Variants in NSD1 observed in about 807,000 individuals in gnomAD.
The protein encoded by NSD1 is nuclear receptor binding SET domain protein 1.
NSD1 carries 26 observed loss-of-function variants against 242.7 expected under a neutral mutation model. The ratio of observed to expected loss-of-function variants is 0.11; its 90% confidence interval spans 0.08 to 0.15. The LOEUF is 0.15. Ranked by LOEUF, NSD1 falls within the 10% of genes least tolerant of loss-of-function variation. NSD1 has a pLI of 1.00. For synonymous variants in NSD1, 1,106 were observed against 1,178.1 expected (o/e 0.94, Z 1.25); for missense variants, 2,495 against 3,272.8 (o/e 0.76, Z 5.80).
At chr5:177,218,577 T>C (rs577779640) in intron 5 of NSD1, among the ~76,000 whole-genome samples, 20 of 151,972 alleles carry the variant, frequency 1.3e-4, no homozygotes, top group Admixed American at 1.1e-3. Context: ...ATTTCTTTTT[T>C]TTTTTTTTGA....
chr5:177,251,686 C>T (rs764602590), intron 11 of NSD1, 44 bp from the exon 12 acceptor site: 1 of 1,609,578 alleles, frequency 6.2e-7, no homozygotes, highest in South Asian at 1.1e-5. Flanking sequence ...ACTCTTGATT[C>T]TCAAACATGG....
chr5:177,164,872 G>A (rs539007695), intron 2 of NSD1, among the ~76,000 whole-genome samples: 8 of 151,912 alleles, frequency 5.3e-5, no homozygotes, highest in Admixed American at 2.0e-4. Flanking sequence ...GAACCCAGGA[G>A]GTGGAGGTTA....
intron 2 of NSD1, among the ~76,000 whole-genome samples, chr5:177,165,559 T>C (rs972469123): frequency 6.6e-6 from 1 of 152,108 alleles, no homozygotes; most frequent in African/African-American, 2.4e-5. Context: ...CAAATTTTTT[T>C]CCCCCATTCT....
rs551043517 is a variant in NSD1 at position 177,182,402 on chromosome 5, C to T, written c.928-9482C>T. Among the ~76,000 whole-genome samples the T allele has an allele frequency of 3.3e-5, 5 of 152,214 alleles. No individual in the cohort carries two copies. In the South Asian group the frequency reaches 1.0e-3, roughly 32 times the overall value. Reference sequence around the variant, plus strand: ...GCAGCCATGAACACTGAGGCAAGACCCTCCATCAGCATAAAGCTTGCAGCT... The same window carrying T: ...GCAGCCATGAACACTGAGGCAAGACTCTCCATCAGCATAAAGCTTGCAGCT... On this transcript the variant is annotated intron_variant, in intron 2 of 22. Transcript: ENST00000439151.
intron 2 of NSD1, among the ~76,000 whole-genome samples, chr5:177,180,289 G>T (rs1386539843): frequency 6.6e-6 from 1 of 151,976 alleles, no homozygotes; most frequent in Admixed American, 6.6e-5. Context: ...TAAAGACAGG[G>T]TTTCAGCATG....
intron 22 of NSD1, among the ~76,000 whole-genome samples, chr5:177,292,570 A>G (rs1191251811): frequency 2.6e-5 from 4 of 152,186 alleles, no homozygotes; most frequent in Non-Finnish European, 5.9e-5. Flanking sequence ...AGAAAGAAAG[A>G]TTGAGATAGT....
rs370095667 is a variant in NSD1 at position 177,295,382 on chromosome 5, A to G, written c.8014A>G (p.Lys2672Glu). ...CWSLGRGQDP[K>E]PEQNTLPALN... ...GTCTCTTGGAAGAGGGCAAGACCCC[A>G]AACCAGAGCAAAATACACTTCCAGC... is the stretch of plus-strand genomic sequence containing the variant. Residue 2672 changes from lysine to glutamate, a missense_variant, in exon 23 of 23, where the codon AAA becomes GAA. Transcript: ENST00000439151. This position sits in a 1 kb window ranked among gnomAD's most constrained non-coding sequence, Gnocchi z 4.3. 22 of 1,614,080 alleles carry G rather than the reference A, an allele frequency of 1.4e-5. No homozygotes were observed. The highest frequency in any genetic ancestry group is 1.8e-5 in the Non-Finnish European group (21 of 1,180,030).
intron 5 of NSD1, among the ~76,000 whole-genome samples, chr5:177,232,515 G>A (rs763352963): frequency 6.6e-6 from 1 of 152,110 alleles, no homozygotes; most frequent in Non-Finnish European, 1.5e-5. Flanking sequence ...TTTATTCAAC[G>A]TCCCCCAGGG....
intron 3 of NSD1, among the ~76,000 whole-genome samples, chr5:177,195,133 TG>T (rs1762007877): frequency 1.3e-5 from 2 of 152,086 alleles, no homozygotes; most frequent in Non-Finnish European, 2.9e-5. Flanking sequence ...CACTACAGCC[TG>T]GGTGACAGAG....
rs370844160 is a variant in NSD1 at position 177,187,627 on chromosome 5, TGTGA to T, written c.928-4253_928-4250del. Reference sequence around the variant, plus strand: ...GTTGTCAGCACATTGTTTTGAGGACTGTGAGTGTGTATCTGTCCCTGTCCCTCTC... The same window carrying T: ...GTTGTCAGCACATTGTTTTGAGGACTGTGTGTATCTGTCCCTGTCCCTCTC... On this transcript the variant is annotated intron_variant, in intron 2 of 22. Coordinates refer to ENST00000439151, the MANE Select transcript of NSD1 (RefSeq NM_022455.5). 4.2e-3 allele frequency among the ~76,000 whole-genome samples: 636 copies of T among 152,312 alleles called. 4 individuals carry two copies. Among genetic ancestry groups the T allele is most frequent in the African/African-American group, 0.015 (616 of 41,568 alleles).
intron 9 of NSD1, among the ~76,000 whole-genome samples, chr5:177,245,977 T>A (rs111950835): frequency 0.012 from 501 of 40,988 alleles, 3 homozygotes; most frequent in African/African-American, 0.048. Context: ...TTTATTTATT[T>A]TTTTTTTTTT....
chr5:177,246,830 A>G, intron 10 of NSD1, 34 bp downstream of exon 10: 1 of 1,482,088 alleles, frequency 6.7e-7, no homozygotes, highest in African/African-American at 1.4e-5. Flanking sequence ...TCACCTTCTA[A>G]AGAGAAGCTA....
intron 2 of NSD1, among the ~76,000 whole-genome samples, chr5:177,141,457 A>G (rs1756812494): frequency 6.8e-6 from 1 of 148,108 alleles, no homozygotes; most frequent in Admixed American, 6.8e-5. Context: ...CAGCCTCCCA[A>G]GTAGCTGGGA....
intron 18 of NSD1, among the ~76,000 whole-genome samples, chr5:177,281,484 C>T (rs896544272): frequency 2.0e-5 from 3 of 151,856 alleles, no homozygotes; most frequent in African/African-American, 7.3e-5. Flanking sequence ...AGGTATTGTG[C>T]TGGGGATGCA....
At chr5:177,166,054 C>T (rs1759169242) in intron 2 of NSD1, among the ~76,000 whole-genome samples, 1 of 151,876 alleles carries the variant, frequency 6.6e-6, no homozygotes, top group Admixed American at 6.6e-5. Context: ...GGATTACAGG[C>T]ACGTGCTGCC....
At chr5:177,173,662 G>A (rs1244198255) in intron 2 of NSD1, among the ~76,000 whole-genome samples, 1 of 151,830 alleles carries the variant, frequency 6.6e-6, no homozygotes, top group Non-Finnish European at 1.5e-5. Context: ...TAGTAGAGAC[G>A]GGATTTCCCC....
At position 177,246,679 on chromosome 5, in the gene NSD1, C is replaced by T. The variant is rs1251583221; in HGVS notation, c.4380C>T (p.Gly1460=). The T allele has an allele frequency of 1.2e-6, 2 of 1,607,718 alleles. No homozygotes were observed. Among genetic ancestry groups the T allele is most frequent in the Admixed American group, 3.3e-5 (2 of 59,968 alleles). ...ATSYSKDFGG[G]TTKIFDKPRK... is the part of the protein sequence containing the mutation. ...TTAACACCTATTTTCCTGTCATAGGCACTACCAAGATATTTGACAAGCCAA... is the reference window on the plus strand; with the variant it reads ...TTAACACCTATTTTCCTGTCATAGGTACTACCAAGATATTTGACAAGCCAA... Residue 1460 remains glycine (G), a splice_region_variant and synonymous_variant, in exon 10 of 23, where the codon GGC becomes GGT. Transcript: ENST00000439151.
chr5:177,225,181 C>T (rs771386851), intron 5 of NSD1, among the ~76,000 whole-genome samples: 2 of 152,082 alleles, frequency 1.3e-5, no homozygotes, highest in Non-Finnish European at 2.9e-5. Context: ...GAGTTTCGCC[C>T]TCATCGCCCA....
intron 9 of NSD1, among the ~76,000 whole-genome samples, chr5:177,245,725 T>C (rs1766230295): frequency 6.7e-6 from 1 of 148,858 alleles, no homozygotes. Flanking sequence ...AGCCTCCACC[T>C]CCCAGGTTCA....
Sources: gnomAD v4.1 joint callset for allele counts (sites outside exome capture counted in the v4.1 genomes callset) on GRCh38, gnomAD v4.1.1 for gene constraint, Gnocchi (gnomAD v3.1) non-coding constraint, MANE v1.5 for transcripts, NCBI Gene and HGNC (gene_info 2026-07-23, HGNC 2026-07-21) for gene names.